TENM2: variants seen among roughly 807,000 people sequenced by gnomAD.
The protein encoded by TENM2 is teneurin transmembrane protein 2.
In TENM2, 52 loss-of-function variants were observed where a neutral mutation model predicts 245.2. The ratio of observed to expected loss-of-function variants is 0.21; its 90% confidence interval spans 0.17 to 0.27. TENM2 has a LOEUF of 0.27. Ranked by LOEUF, TENM2 falls within the 10% of genes least tolerant of loss-of-function variation. The pLI, the probability that TENM2 is intolerant of heterozygous loss-of-function variation, is 1.00. For missense variants in TENM2, 3,046 were observed against 3,666.8 expected (o/e 0.83, Z 4.37); for synonymous variants, 1,363 against 1,438.9 (o/e 0.95, Z 1.19).
At chr5:167,596,365 T>C (rs148793779) in intron 2 of TENM2, among the ~76,000 whole-genome samples, 96 of 152,316 alleles carry the variant, frequency 6.3e-4, no homozygotes, top group African/African-American at 1.8e-3. Context: ...TCCATCCTAC[T>C]GGACTGTCCC....
At chr5:167,515,769 C>T (rs1301651874) in intron 2 of TENM2, among the ~76,000 whole-genome samples, 1 of 145,820 alleles carries the variant, frequency 6.9e-6, no homozygotes, top group Admixed American at 6.8e-5. Context: ...GGGTTCATGC[C>T]ATTCTCCTGC....
At chr5:167,912,302 G>C (rs1043592044) in intron 3 of TENM2, among the ~76,000 whole-genome samples, 8 of 152,176 alleles carry the variant, frequency 5.3e-5, no homozygotes, top group Admixed American at 3.9e-4. Flanking sequence ...CCAGGTTCAG[G>C]CTTACTGTCA....
At chr5:167,171,248 TA>T in the TENM2 span, among the ~76,000 whole-genome samples, 3 of 152,200 alleles carry the variant, frequency 2.0e-5, no homozygotes, top group East Asian at 5.8e-4. Flanking sequence ...ACTTTATATT[TA>T]CCATAACTAT....
the TENM2 span, among the ~76,000 whole-genome samples, chr5:167,073,318 A>G: frequency 2.0e-5 from 3 of 152,142 alleles, no homozygotes. Context: ...GCACTCCTGT[A>G]AAGCCAGCTG....
chr5:167,561,474 C>T (rs533614896), intron 2 of TENM2, among the ~76,000 whole-genome samples: 6 of 152,294 alleles, frequency 3.9e-5, no homozygotes, highest in South Asian at 2.1e-4. Flanking sequence ...CTGCCCATGA[C>T]GGAGGTCAGA....
intron 1 of TENM2, among the ~76,000 whole-genome samples, chr5:167,340,225 A>G (rs1402485022): frequency 6.6e-6 from 1 of 152,092 alleles, no homozygotes; most frequent in Non-Finnish European, 1.5e-5. Context: ...TCTATAATGC[A>G]CCTCAAAGTG....
At chr5:167,873,232 A>G (rs894591361) in intron 2 of TENM2, among the ~76,000 whole-genome samples, 1 of 152,240 alleles carries the variant, frequency 6.6e-6, no homozygotes, top group African/African-American at 2.4e-5. Flanking sequence ...ACTCTGTCGG[A>G]TGATAGCGGC....
chr5:167,456,880 A>T (rs775976317), intron 2 of TENM2, among the ~76,000 whole-genome samples: 3 of 152,204 alleles, frequency 2.0e-5, no homozygotes, highest in Non-Finnish European at 4.4e-5. Flanking sequence ...CACATTCATA[A>T]GTCATGCTGC....
chr5:167,151,930 A>G, the TENM2 span, among the ~76,000 whole-genome samples: 25 of 152,198 alleles, frequency 1.6e-4, no homozygotes, highest in Admixed American at 5.9e-4. Context: ...CTCCAAGTCG[A>G]AAGGAAAGAC....
At chr5:167,861,210 A>G (rs571509378) in intron 2 of TENM2, among the ~76,000 whole-genome samples, 3 of 151,974 alleles carry the variant, frequency 2.0e-5, no homozygotes, top group African/African-American at 7.2e-5. Context: ...AGATTTTCTC[A>G]TCTAATGCAA....
At chr5:167,654,805 C>T (rs1190414431) in intron 2 of TENM2, among the ~76,000 whole-genome samples, 1 of 152,048 alleles carries the variant, frequency 6.6e-6, no homozygotes, top group Non-Finnish European at 1.5e-5. Flanking sequence ...ATTTTCATAG[C>T]TCAGTGTCTG....
intron 5 of TENM2, among the ~76,000 whole-genome samples, chr5:167,996,047 A>G (rs539231927): frequency 6.6e-6 from 1 of 152,296 alleles, no homozygotes; most frequent in East Asian, 1.9e-4. Context: ...ATGGGCAGGC[A>G]GTGGGTTCAG....
At chr5:167,630,654 C>T (rs998234686) in intron 2 of TENM2, among the ~76,000 whole-genome samples, 12 of 152,050 alleles carry the variant, frequency 7.9e-5, no homozygotes, top group African/African-American at 2.9e-4. Context: ...AAAAAAGTCT[C>T]CAGTGGAACT....
At chr5:167,953,304 A>G (rs1281478166) in intron 4 of TENM2, 1 of 194,714 alleles carries the variant, frequency 5.1e-6, no homozygotes, top group Non-Finnish European at 1.1e-5. Context: ...GTCTCACTTT[A>G]ATCCCTCCTG....
intron 2 of TENM2, among the ~76,000 whole-genome samples, chr5:167,429,246 G>C (rs776117321): frequency 4.6e-5 from 7 of 152,134 alleles, no homozygotes; most frequent in African/African-American, 1.7e-4. Context: ...TTGCCTCTGG[G>C]TTTGTTTTAA....
intron 1 of TENM2, among the ~76,000 whole-genome samples, chr5:167,366,546 T>G (rs941417521): frequency 2.4e-4 from 36 of 152,152 alleles, no homozygotes; most frequent in Non-Finnish European, 2.2e-4. Context: ...ATAAATGAAG[T>G]CAGCAGAAGT....
chr5:167,875,427 A>G (rs1012430215), intron 2 of TENM2, among the ~76,000 whole-genome samples: 1 of 152,156 alleles, frequency 6.6e-6, no homozygotes, highest in African/African-American at 2.4e-5. Flanking sequence ...AGAGTGAGGT[A>G]GGAGAGGCAG....
At chr5:168,190,450 G>A in exon 14 of TENM2, 1 of 1,614,010 alleles carries the variant, frequency 6.2e-7, no homozygotes, top group East Asian at 2.2e-5. Flanking sequence ...GGGCCAGACG[G>A]ATTGGCCCGC....
intron 7 of TENM2, among the ~76,000 whole-genome samples, chr5:168,066,877 T>C (rs1189221158): frequency 6.6e-6 from 1 of 152,196 alleles, no homozygotes; most frequent in African/African-American, 2.4e-5. Context: ...TAATCTGACC[T>C]GGCTACAGTG....
Sources: allele counts gnomAD v4.1 joint callset (sites outside exome capture counted in the v4.1 genomes callset), GRCh38; gene constraint gnomAD v4.1.1; transcripts MANE v1.5; gene names NCBI Gene and HGNC (gene_info 2026-07-23, HGNC 2026-07-21).